CDK14: variants seen among roughly 807,000 people sequenced by gnomAD.
CDK14 encodes cyclin-dependent kinase 14.
CDK14 carries 34 observed loss-of-function variants against 60.7 expected under a neutral mutation model. That is an observed-to-expected ratio of 0.56 (90% CI 0.43 to 0.75). The LOEUF is 0.75. CDK14 is among the 30% of genes least tolerant of loss of function. CDK14 has a pLI of 0.00. For synonymous variants in CDK14, 197 were observed against 203.7 expected (o/e 0.97, Z 0.28); for missense variants, 482 against 564.1 (o/e 0.85, Z 1.47).
intron 14 of CDK14, among the ~76,000 whole-genome samples, chr7:91,193,105 G>A (rs957564183): frequency 2.0e-5 from 3 of 152,152 alleles, no homozygotes; most frequent in African/African-American, 7.2e-5. Flanking sequence ...TGTTCAAAAG[G>A]AATTTCCTTC....
At chr7:91,048,837 A>T (rs1797309381) in intron 11 of CDK14, among the ~76,000 whole-genome samples, 1 of 151,970 alleles carries the variant, frequency 6.6e-6, no homozygotes, top group African/African-American at 2.4e-5. Flanking sequence ...GCCAATTTAC[A>T]GTTGAGTTGT....
intron 14 of CDK14, among the ~76,000 whole-genome samples, chr7:91,150,043 C>G (rs1336500317): frequency 1.3e-5 from 2 of 152,118 alleles, no homozygotes; most frequent in Non-Finnish European, 2.9e-5. Context: ...TAAAGGGCTT[C>G]AGGGTTCCAA....
At chr7:90,850,120 G>A (rs1790601546) in intron 5 of CDK14, among the ~76,000 whole-genome samples, 1 of 151,870 alleles carries the variant, frequency 6.6e-6, no homozygotes, top group African/African-American at 2.4e-5. Context: ...AAAATTCTGT[G>A]ACATCTATAA....
chr7:90,842,325 G>C (rs1248158090), intron 5 of CDK14, among the ~76,000 whole-genome samples: 1 of 152,142 alleles, frequency 6.6e-6, no homozygotes, highest in Non-Finnish European at 1.5e-5. Context: ...TGCTGTGTCA[G>C]ACTCATGTGA....
intron 6 of CDK14, among the ~76,000 whole-genome samples, chr7:90,897,329 A>G (rs1792368475): frequency 6.6e-6 from 1 of 151,962 alleles, no homozygotes; most frequent in Non-Finnish European, 1.5e-5. Flanking sequence ...TATGAATTTG[A>G]TTTTGTTTTA....
At chr7:90,652,093 A>T (rs1037218858) in intron 2 of CDK14, among the ~76,000 whole-genome samples, 2 of 151,398 alleles carry the variant, frequency 1.3e-5, no homozygotes, top group South Asian at 4.2e-4. Context: ...ATCTTTCTTT[A>T]TTTTTCCCAA....
In CDK14 at chr7:90,661,858, G is replaced by A. The variant is rs561720764; in HGVS notation, c.123+57609G>A. On this transcript the variant is annotated intron_variant, in intron 2 of 14. Transcript: ENST00000380050. Reference sequence around the variant, plus strand: ...ACAGCAAGGCTGGCTCAATTCATACGGTGCCCTACCCATGTAGCAAGGGTC... The same window carrying A: ...ACAGCAAGGCTGGCTCAATTCATACAGTGCCCTACCCATGTAGCAAGGGTC... Among the ~76,000 whole-genome samples, 15 of 135,222 alleles carry A rather than the reference G, an allele frequency of 1.1e-4. No homozygotes were observed. In the South Asian group the frequency reaches 3.2e-3, roughly 29 times the overall value. The allele number at this position is 135,222 out of a possible 152,430, so 88.7% of individuals were successfully genotyped here.
chr7:91,102,030 G>A (rs917708489), intron 12 of CDK14, among the ~76,000 whole-genome samples: 3 of 152,182 alleles, frequency 2.0e-5, no homozygotes, highest in African/African-American at 7.2e-5. Flanking sequence ...AAAACAGACA[G>A]ACTTGTCTTT....
intron 9 of CDK14, among the ~76,000 whole-genome samples, chr7:90,967,617 A>C (rs373737688): frequency 6.6e-6 from 1 of 152,208 alleles, no homozygotes; most frequent in Non-Finnish European, 1.5e-5. Flanking sequence ...AGAAAGCCAT[A>C]CACTGGTTGA....
intron 8 of CDK14, among the ~76,000 whole-genome samples, chr7:90,929,415 C>T (rs761027261): frequency 2.0e-5 from 3 of 152,140 alleles, no homozygotes; most frequent in Non-Finnish European, 4.4e-5. Context: ...GGTTATTTGA[C>T]TATTTTAAAG....
At chr7:91,005,252 G>GAA (rs1795947511) in intron 10 of CDK14, among the ~76,000 whole-genome samples, 2 of 152,240 alleles carry the variant, frequency 1.3e-5, no homozygotes, top group Non-Finnish European at 2.9e-5. Context: ...GCTGACAAGG[G>GAA]CTGGAAAGCT....
In CDK14 at chr7:91,208,299, C is replaced by A; in HGVS notation, c.*1163C>A. On this transcript the variant is annotated 3_prime_UTR_variant, in exon 15 of 15. Transcript: ENST00000380050. ...ATGAAAAAGGGAATGGGCCAGCTTC[C>A]CTTACTCAAGGAGTTGAGGGACCTT... 1 of 152,712 alleles carries A rather than the reference C, an allele frequency of 6.5e-6. No individual in the cohort carries two copies. The allele number at this position is 152,712 out of a possible 1,614,324, so 9.5% of individuals were successfully genotyped here.
At chr7:90,970,454 C>T (rs1277408382) in intron 9 of CDK14, among the ~76,000 whole-genome samples, 1 of 152,130 alleles carries the variant, frequency 6.6e-6, no homozygotes, top group Non-Finnish European at 1.5e-5. Flanking sequence ...ATCAAAGTTG[C>T]CATCTCTATT....
chr7:91,065,856 G>C (rs1015896561), intron 11 of CDK14, among the ~76,000 whole-genome samples: 11 of 152,182 alleles, frequency 7.2e-5, no homozygotes, highest in Admixed American at 3.9e-4. Context: ...AAAAGGATTT[G>C]AGTGTGTTAT....
intron 2 of CDK14, among the ~76,000 whole-genome samples, chr7:90,723,025 T>C (rs1802511514): frequency 6.6e-6 from 1 of 152,216 alleles, no homozygotes; most frequent in South Asian, 2.1e-4. Context: ...GAATTTTCCC[T>C]GTTTTTAGGT....
intron 8 of CDK14, among the ~76,000 whole-genome samples, chr7:90,922,598 C>T (rs1793285629): frequency 6.6e-6 from 1 of 152,104 alleles, no homozygotes; most frequent in African/African-American, 2.4e-5. Flanking sequence ...GATATAGTAA[C>T]TCTTTTGAAA....
chr7:90,855,594 A>G (rs780347020), intron 5 of CDK14, among the ~76,000 whole-genome samples: 3 of 152,210 alleles, frequency 2.0e-5, no homozygotes, highest in East Asian at 1.9e-4. Context: ...AATGCAGTCA[A>G]TTGGTGGTGA....
intron 2 of CDK14, among the ~76,000 whole-genome samples, chr7:90,650,908 T>C (rs1267753679): frequency 6.6e-6 from 1 of 152,214 alleles, no homozygotes; most frequent in Non-Finnish European, 1.5e-5. Flanking sequence ...CCAGCTTTGT[T>C]CTTTTGGCTT....
At chr7:90,899,649 T>C (rs1186027563) in intron 7 of CDK14, among the ~76,000 whole-genome samples, 1 of 152,104 alleles carries the variant, frequency 6.6e-6, no homozygotes, top group East Asian at 1.9e-4. Context: ...CACTTCACAG[T>C]AGAGGGGAGT....
Sources: gnomAD v4.1 joint callset for allele counts (sites outside exome capture counted in the v4.1 genomes callset) on GRCh38, gnomAD v4.1.1 for gene constraint, MANE v1.5 for transcripts, NCBI Gene and HGNC (gene_info 2026-07-23, HGNC 2026-07-21) for gene names.